SNX18: variants seen among roughly 807,000 people sequenced by gnomAD.
The protein encoded by SNX18 is sorting nexin-18.
Under a neutral mutation model 48.7 loss-of-function variants are expected in SNX18, and 35 were observed. The observed-to-expected ratio is 0.72, with a 90% CI of 0.55 to 0.95. The LOEUF is 0.95. SNX18 is among the 40% of genes least tolerant of loss of function. The pLI, the probability that SNX18 is intolerant of heterozygous loss-of-function variation, is 0.00. For synonymous variants in SNX18, 492 were observed against 384.7 expected, an observed-to-expected ratio of 1.28 and a Z score of -3.26; for missense variants, 824 against 871.0, an observed-to-expected ratio of 0.95 and a Z score of 0.68.
At chr5:54,606,851 T>G in the SNX18 span, among the ~76,000 whole-genome samples, 57,183 of 151,876 alleles carry the variant, frequency 0.38, 11,020 homozygotes, top group East Asian at 0.52. Context: ...AATTGCACAG[T>G]TCCATAAAAT....
the SNX18 span, among the ~76,000 whole-genome samples, chr5:54,605,298 G>A: frequency 2.0e-5 from 3 of 152,246 alleles, no homozygotes; most frequent in East Asian, 5.8e-4. Context: ...CATTCATGGG[G>A]AGGAAAGCTA....
At chr5:54,535,249 A>G (rs922704610) in intron 1 of SNX18, among the ~76,000 whole-genome samples, 1 of 152,208 alleles carries the variant, frequency 6.6e-6, no homozygotes, top group African/African-American at 2.4e-5. Flanking sequence ...GGTTAGATAC[A>G]AAGAAAAAAG....
chr5:54,583,508 A>T, the SNX18 span, among the ~76,000 whole-genome samples: 1 of 152,332 alleles, frequency 6.6e-6, no homozygotes, highest in African/African-American at 2.4e-5. Flanking sequence ...CACGAGTGGC[A>T]GTGGACATTC....
chr5:54,550,539 C>T (rs1448451039), downstream of SNX18, among the ~76,000 whole-genome samples: 4 of 151,954 alleles, frequency 2.6e-5, no homozygotes, highest in African/African-American at 7.3e-5. Flanking sequence ...TGTACGCTAC[C>T]CTTTGAGCAA....
downstream of SNX18, among the ~76,000 whole-genome samples, chr5:54,549,684 T>C (rs1762623917): frequency 6.6e-6 from 1 of 152,188 alleles, no homozygotes; most frequent in Non-Finnish European, 1.5e-5. Flanking sequence ...AAATTAATAG[T>C]GGTTTTATTG....
At chr5:54,601,041 C>A in the SNX18 span, among the ~76,000 whole-genome samples, 1 of 152,180 alleles carries the variant, frequency 6.6e-6, no homozygotes, top group African/African-American at 2.4e-5. Flanking sequence ...GTCCATCAAT[C>A]ATCTATCCAT....
the SNX18 span, among the ~76,000 whole-genome samples, chr5:54,587,837 T>C: frequency 6.6e-5 from 10 of 152,226 alleles, no homozygotes; most frequent in Admixed American, 5.2e-4. Context: ...CCAATATTTT[T>C]TAAGGCACGT....
chr5:54,532,955 A>G (rs1762278738), intron 1 of SNX18, among the ~76,000 whole-genome samples: 1 of 152,212 alleles, frequency 6.6e-6, no homozygotes, highest in Non-Finnish European at 1.5e-5. Flanking sequence ...GCCTTTAGAC[A>G]TTAGGTGATT....
the SNX18 span, among the ~76,000 whole-genome samples, chr5:54,559,571 T>C: frequency 6.6e-6 from 1 of 152,122 alleles, no homozygotes; most frequent in African/African-American, 2.4e-5. Context: ...CAACTCAAGA[T>C]GGACTAAAGA....
At chr5:54,599,402 C>T in the SNX18 span, among the ~76,000 whole-genome samples, 6 of 152,282 alleles carry the variant, frequency 3.9e-5, no homozygotes, top group African/African-American at 9.6e-5. Context: ...AACGGCCATA[C>T]TACCCAAAAT....
At chr5:54,632,056 C>T in the SNX18 span, among the ~76,000 whole-genome samples, 10 of 152,160 alleles carry the variant, frequency 6.6e-5, no homozygotes, top group African/African-American at 1.9e-4. Context: ...CATGTCCTTG[C>T]CCCCACCAGC....
At chr5:54,593,543 A>G in the SNX18 span, among the ~76,000 whole-genome samples, 5 of 152,366 alleles carry the variant, frequency 3.3e-5, no homozygotes, top group South Asian at 8.3e-4. Context: ...ATTGATGATC[A>G]TGTTCTAAAG....
the SNX18 span, among the ~76,000 whole-genome samples, chr5:54,571,846 G>A: frequency 6.6e-6 from 1 of 152,106 alleles, no homozygotes; most frequent in Admixed American, 6.5e-5. Context: ...AGGTGCAGGG[G>A]TTTCGGGGGA....
the SNX18 span, among the ~76,000 whole-genome samples, chr5:54,603,541 C>T: frequency 6.6e-6 from 1 of 152,132 alleles, no homozygotes; most frequent in African/African-American, 2.4e-5. Context: ...CCTGAATTCC[C>T]AGAGGAAGAT....
chr5:54,630,844 A>AAC, the SNX18 span, among the ~76,000 whole-genome samples: 4 of 151,234 alleles, frequency 2.6e-5, no homozygotes, highest in African/African-American at 9.7e-5. Flanking sequence ...AAAAAAAAAA[A>AAC]AAAAAAGAGA....
chr5:54,582,742 C>T, the SNX18 span, among the ~76,000 whole-genome samples: 15 of 152,060 alleles, frequency 9.9e-5, no homozygotes, highest in Middle Eastern at 3.4e-3. Context: ...CAGTGAGCTA[C>T]GGCAACAGAG....
At position 54,518,748 on chromosome 5, in the gene SNX18, G is replaced by A. The variant is rs1285277509; in HGVS notation, c.796G>A (p.Gly266Ser). Residue 266 changes from glycine (G) to serine (S), a missense_variant, in exon 1 of 2, where the codon GGC becomes AGC. By Grantham distance (56) the Gly-to-Ser change is moderately conservative (BLOSUM62 0). Coordinates refer to ENST00000381410, the MANE Select transcript of SNX18 (RefSeq NM_001102575.2). ...DKLCVVLGPY[G>S]PEWQENPYPF... ...GCTGTGCGTGGTGCTGGGGCCCTAT[G>A]GCCCCGAGTGGCAGGAGAACCCCTA... is the stretch of plus-strand genomic sequence containing the variant. The A allele has an allele frequency of 6.2e-7, 1 of 1,605,988 alleles. No individual in the cohort carries two copies. The highest frequency in any genetic ancestry group is 8.5e-7 in the Non-Finnish European group (1 of 1,175,864).
the SNX18 span, among the ~76,000 whole-genome samples, chr5:54,586,768 G>A: frequency 6.6e-6 from 1 of 152,158 alleles, no homozygotes. Context: ...ACCATACATA[G>A]TAGGATCATA....
chr5:54,528,293 T>G (rs1430046917), intron 1 of SNX18, among the ~76,000 whole-genome samples: 1 of 152,190 alleles, frequency 6.6e-6, no homozygotes, highest in African/African-American at 2.4e-5. Flanking sequence ...AGCACTGAGC[T>G]CATGTGTAGA....
Sources: allele counts gnomAD v4.1 joint callset (sites outside exome capture counted in the v4.1 genomes callset), GRCh38; gene constraint gnomAD v4.1.1; transcripts MANE v1.5; gene names NCBI Gene and HGNC (gene_info 2026-07-23, HGNC 2026-07-21).